Variants in PRKCB observed in about 807,000 individuals in gnomAD.
The protein encoded by PRKCB is protein kinase C beta type.
PRKCB carries 13 observed loss-of-function variants against 81.5 expected under a neutral mutation model. That is an observed-to-expected ratio of 0.16 (90% CI 0.10 to 0.25). The LOEUF is 0.25. PRKCB is among the 10% of genes least tolerant of loss of function. The pLI is 1.00. For synonymous variants in PRKCB, 335 were observed against 321.4 expected, an observed-to-expected ratio of 1.04 and a Z score of -0.45; for missense variants, 509 against 875.7, an observed-to-expected ratio of 0.58 and a Z score of 5.29.
intron 5 of PRKCB, among the ~76,000 whole-genome samples, chr16:24,058,588 A>G (rs1965935219): frequency 6.6e-6 from 1 of 152,100 alleles, no homozygotes; most frequent in South Asian, 2.1e-4. Context: ...TGCCTGAATC[A>G]GACATTGAAT....
Position 23,881,805 on chromosome 16 carries a change from C to A in PRKCB, c.205+44399C>A, listed in dbSNP as rs188907968. On this transcript the variant is annotated intron_variant, in intron 2 of 16. Transcript: ENST00000643927. ...CATCTCGTAAAACTGAAACTCTATACCCACTGGCAATAACTTCCCATTTCT... is the reference window on the plus strand; with the variant it reads ...CATCTCGTAAAACTGAAACTCTATAACCACTGGCAATAACTTCCCATTTCT... Among the ~76,000 whole-genome samples the A allele has an allele frequency of 1.7e-3, 256 of 151,982 alleles. 2 individuals carry two copies. Among genetic ancestry groups the A allele is most frequent in the African/African-American group, 5.9e-3 (243 of 41,478 alleles).
At chr16:24,209,025 G>GT (rs1968092885) in intron 16 of PRKCB, among the ~76,000 whole-genome samples, 1 of 152,142 alleles carries the variant, frequency 6.6e-6, no homozygotes, top group African/African-American at 2.4e-5. Context: ...GGAGGGGGAG[G>GT]TTGTGGAGCT....
At chr16:23,876,293 A>T (rs528048866) in intron 2 of PRKCB, among the ~76,000 whole-genome samples, 1 of 152,378 alleles carries the variant, frequency 6.6e-6, no homozygotes, top group Non-Finnish European at 1.5e-5. Context: ...AATTGTATTA[A>T]GTAGTACCAT....
At chr16:23,879,683 G>A (rs1418821191) in intron 2 of PRKCB, among the ~76,000 whole-genome samples, 3 of 151,796 alleles carry the variant, frequency 2.0e-5, no homozygotes, top group Admixed American at 6.6e-5. Context: ...TAGTAGAGAC[G>A]GGGTTTCACC....
intron 13 of PRKCB, among the ~76,000 whole-genome samples, chr16:24,181,374 T>C (rs924031802): frequency 1.2e-4 from 18 of 152,140 alleles, no homozygotes; most frequent in Admixed American, 1.0e-3. Flanking sequence ...TAGCATGAAA[T>C]ACTACCAGGC....
At chr16:24,147,940 C>G (rs1316807729) in intron 9 of PRKCB, among the ~76,000 whole-genome samples, 2 of 152,044 alleles carry the variant, frequency 1.3e-5, no homozygotes, top group African/African-American at 2.4e-5. Flanking sequence ...CCTTTTTTTC[C>G]TTGGCACAAA....
intron 2 of PRKCB, among the ~76,000 whole-genome samples, chr16:23,959,392 T>A (rs1345884093): frequency 6.6e-6 from 1 of 152,194 alleles, no homozygotes; most frequent in Admixed American, 6.5e-5. Flanking sequence ...TCTTCCTAGC[T>A]CCATTTGATC....
rs1968297589 is a variant in PRKCB, at chr16:24,220,000, A to T, written c.*5184A>T. On this transcript the variant is annotated 3_prime_UTR_variant, in exon 17 of 17. Coordinates refer to ENST00000643927, the MANE Select transcript of PRKCB (RefSeq NM_002738.7). ...CACCTCCAACTTCGACAAAGAGTTC[A>T]CCAGACAGCCTGTGGAACTGACCCC... is the stretch of plus-strand genomic sequence containing the variant. 1.2e-6 allele frequency: 2 copies of T among 1,614,048 alleles called. No homozygotes were observed. Among genetic ancestry groups the T allele is most frequent in the Non-Finnish European group, 1.7e-6 (2 of 1,180,030 alleles).
chr16:24,205,769 T>A (rs945819007), intron 16 of PRKCB, among the ~76,000 whole-genome samples: 3 of 152,372 alleles, frequency 2.0e-5, no homozygotes, highest in African/African-American at 7.2e-5. Context: ...TTTGCTCTCA[T>A]GTGGCTTACA....
intron 3 of PRKCB, among the ~76,000 whole-genome samples, chr16:24,026,740 A>G (rs540095239): frequency 2.0e-5 from 3 of 152,216 alleles, no homozygotes; most frequent in Non-Finnish European, 4.4e-5. Context: ...GGCCACTTCT[A>G]CCAAGGGTCT....
intron 2 of PRKCB, among the ~76,000 whole-genome samples, chr16:23,936,502 T>C (rs1964059254): frequency 6.6e-6 from 1 of 151,180 alleles, no homozygotes; most frequent in Non-Finnish European, 1.5e-5. Context: ...AACCTCTGCC[T>C]CCCAGGCTTG....
At position 23,850,482 on chromosome 16, in the gene PRKCB, C is replaced by T. The variant is rs371823634; in HGVS notation, c.205+13076C>T. Reference sequence around the variant, plus strand: ...TCAGGTTCAAGACATTCTCCTGCCTCGGCCTCCCAAGCAGCTGGGATTACG... The same window carrying T: ...TCAGGTTCAAGACATTCTCCTGCCTTGGCCTCCCAAGCAGCTGGGATTACG... On this transcript the variant is annotated intron_variant, in intron 2 of 16. Coordinates refer to ENST00000643927, the MANE Select transcript of PRKCB (RefSeq NM_002738.7). Among the ~76,000 whole-genome samples, 27 of 152,248 alleles carry T rather than the reference C, an allele frequency of 1.8e-4. 1 individual carries two copies. The South Asian group carries it at 4.1e-3, about 23-fold the overall frequency.
At chr16:24,162,441 ACTTTTTT>A (rs1219879948) in intron 10 of PRKCB, among the ~76,000 whole-genome samples, 2 of 119,802 alleles carry the variant, frequency 1.7e-5, no homozygotes, top group Non-Finnish European at 3.4e-5. Context: ...AACAGAGAAG[ACTTTTTT>A]TTTTTTTTTT....
intron 5 of PRKCB, among the ~76,000 whole-genome samples, chr16:24,046,323 G>A (rs1965764122): frequency 2.0e-5 from 3 of 152,212 alleles, no homozygotes; most frequent in Admixed American, 2.0e-4. Flanking sequence ...ATTTGTTGGG[G>A]GCCTCCCATG....
intron 9 of PRKCB, among the ~76,000 whole-genome samples, chr16:24,152,056 G>C (rs1005648950): frequency 1.9e-4 from 29 of 152,176 alleles, no homozygotes; most frequent in African/African-American, 7.0e-4. Context: ...AGGATTGTTG[G>C]ATGGTGCCTT....
chr16:24,003,813 A>C (rs535548739), intron 3 of PRKCB, among the ~76,000 whole-genome samples: 28 of 152,330 alleles, frequency 1.8e-4, no homozygotes, highest in Middle Eastern at 3.4e-3. Context: ...GGAGCAGTGT[A>C]TGTTATAAGA....
intron 16 of PRKCB, among the ~76,000 whole-genome samples, chr16:24,211,387 C>T (rs1414942431): frequency 6.6e-6 from 1 of 152,128 alleles, no homozygotes; most frequent in Admixed American, 6.5e-5. Context: ...TACTCAGTAC[C>T]TGTTACTTGC....
intron 3 of PRKCB, among the ~76,000 whole-genome samples, chr16:23,990,479 G>A (rs1176425766): frequency 6.8e-6 from 1 of 146,900 alleles, no homozygotes; most frequent in Non-Finnish European, 1.5e-5. Context: ...AAAAAAAGAA[G>A]CTTTTTTTTT....
intron 5 of PRKCB, among the ~76,000 whole-genome samples, chr16:24,072,758 T>G (rs1021726039): frequency 5.3e-5 from 8 of 152,074 alleles, no homozygotes; most frequent in African/African-American, 7.2e-5. Context: ...ATTTTTGTAT[T>G]TTTAGTAGAG....
Sources: allele counts gnomAD v4.1 joint callset (sites outside exome capture counted in the v4.1 genomes callset), GRCh38; gene constraint gnomAD v4.1.1; transcripts MANE v1.5; gene names NCBI Gene and HGNC (gene_info 2026-07-23, HGNC 2026-07-21).